Variants in ARHGAP44 observed in about 807,000 individuals in gnomAD.
The protein encoded by ARHGAP44 is rho GTPase-activating protein 44.
Under a neutral mutation model 106.8 loss-of-function variants are expected in ARHGAP44, and 43 were observed. The ratio of observed to expected loss-of-function variants is 0.40; its 90% CI spans 0.32 to 0.52. ARHGAP44 has a LOEUF of 0.52. ARHGAP44 is among the 20% of genes least tolerant of loss of function. ARHGAP44 has a pLI of 0.48. For synonymous variants in ARHGAP44, 439 were observed against 410.3 expected (o/e 1.07, Z -0.85); for missense variants, 866 against 1,050.5 (o/e 0.82, Z 2.43).
chr17:12,855,509 G>GT (rs1348770702), intron 1 of ARHGAP44, among the ~76,000 whole-genome samples: 5 of 123,244 alleles, frequency 4.1e-5, no homozygotes, highest in East Asian at 4.7e-4. Context: ...TTCCCCTGAT[G>GT]TTTTTTTCAG....
At chr17:12,957,919 A>G (rs1004326174) in intron 15 of ARHGAP44, among the ~76,000 whole-genome samples, 2 of 152,240 alleles carry the variant, frequency 1.3e-5, no homozygotes, top group African/African-American at 4.8e-5. Context: ...CTGTTCTAAC[A>G]TTGAAGAAGT....
intron 1 of ARHGAP44, among the ~76,000 whole-genome samples, chr17:12,855,922 C>A (rs189596638): frequency 3.3e-5 from 5 of 152,130 alleles, no homozygotes; most frequent in Non-Finnish European, 7.3e-5. Flanking sequence ...TGCTTGTGGT[C>A]GAGCTCCAGG....
chr17:12,958,929 G>C lies in ARHGAP44; in HGVS notation c.1523+32G>C. On this transcript the variant is annotated intron_variant, in intron 16 of 20. Coordinates refer to ENST00000379672, the MANE Select transcript of ARHGAP44 (RefSeq NM_014859.6). The surrounding 1 kb of genome is among the most constrained non-coding windows in gnomAD (Gnocchi z 4.1). ...ACTGGTGTCTCTTTCTCAGCACTGG[G>C]GATTAGGGGAGGTGGTGGGGGTGGA... 6.3e-7 allele frequency: 1 copy of C among 1,583,148 alleles called. No individual in the cohort carries two copies.
intron 3 of ARHGAP44, among the ~76,000 whole-genome samples, chr17:12,896,865 A>G (rs576319708): frequency 1.3e-5 from 2 of 152,304 alleles, no homozygotes; most frequent in East Asian, 3.9e-4. Flanking sequence ...GCTCATTCAT[A>G]GATTGCATTT....
intron 1 of ARHGAP44, among the ~76,000 whole-genome samples, chr17:12,862,011 G>C (rs1331465022): frequency 1.3e-5 from 2 of 152,088 alleles, no homozygotes; most frequent in African/African-American, 4.8e-5. Flanking sequence ...TTATCTCAGT[G>C]TCTATCTGAA....
chr17:12,847,400 GTGGGAGAGATTC>G (rs752804201), intron 1 of ARHGAP44, among the ~76,000 whole-genome samples: 6 of 152,074 alleles, frequency 3.9e-5, no homozygotes, highest in Non-Finnish European at 8.8e-5. Context: ...GGTTCTTGGG[GTGGGAGAGATTC>G]GGGGAGAGGG....
intron 1 of ARHGAP44, among the ~76,000 whole-genome samples, chr17:12,886,964 G>GTTTTTTTTTTTTTT: frequency 9.2e-6 from 1 of 109,002 alleles, no homozygotes; most frequent in African/African-American, 3.9e-5. Flanking sequence ...TTTTCTAAGA[G>GTTTTTTTTTTTTTT]TTTTTTTTTT....
chr17:12,834,909 A>G (rs928915705), intron 1 of ARHGAP44, among the ~76,000 whole-genome samples: 1 of 152,216 alleles, frequency 6.6e-6, no homozygotes, highest in Non-Finnish European at 1.5e-5. Context: ...CTACCATGTT[A>G]GATTATAAAA....
intron 1 of ARHGAP44, among the ~76,000 whole-genome samples, chr17:12,818,049 A>G (rs1801312435): frequency 1.3e-5 from 2 of 152,022 alleles, no homozygotes; most frequent in African/African-American, 4.8e-5. Flanking sequence ...ATTACAGAAA[A>G]AGAGAATTAT....
Position 12,984,530 on chromosome 17 carries a change from G to T in ARHGAP44, c.1940-1G>T. 2 of 1,514,924 alleles carry T rather than the reference G, an allele frequency of 1.3e-6. No homozygotes were observed. Among genetic ancestry groups the T allele is most frequent in the Non-Finnish European group, 1.8e-6 (2 of 1,136,208 alleles). The allele number at this position is 1,514,924 out of a possible 1,614,324, so 93.8% of individuals were successfully genotyped here. A position where few individuals can be genotyped will look rare whatever the true frequency, so the allele number is the denominator to read the frequency against. ...TTGTTGTGTTGTGTTTTCTCTTTCA[G>T]TTTCAAAGAAGCTGGCACCGATTCC... On this transcript the variant is annotated splice_acceptor_variant, in intron 19 of 20. Transcript: ENST00000379672. LOFTEE classifies it high-confidence loss of function.
At chr17:12,954,328 A>G (rs1458845691) in intron 13 of ARHGAP44, among the ~76,000 whole-genome samples, 1 of 152,216 alleles carries the variant, frequency 6.6e-6, no homozygotes, top group African/African-American at 2.4e-5. Flanking sequence ...AAAAATGGCT[A>G]AAGTAGTAAA....
intron 1 of ARHGAP44, among the ~76,000 whole-genome samples, chr17:12,822,308 G>C (rs1193830334): frequency 6.6e-6 from 1 of 152,018 alleles, no homozygotes; most frequent in Non-Finnish European, 1.5e-5. Context: ...TATTTTTCCA[G>C]TCATTTGGAA....
intron 1 of ARHGAP44, among the ~76,000 whole-genome samples, chr17:12,842,462 A>T (rs913305746): frequency 9.2e-5 from 14 of 151,518 alleles, no homozygotes; most frequent in Non-Finnish European, 1.9e-4. Flanking sequence ...AAAGAAAAAA[A>T]TCATCCCAGG....
Position 12,795,473 on chromosome 17 carries a change from G to A in ARHGAP44, c.53+5582G>A, listed in dbSNP as rs1359944994. On this transcript the variant is annotated intron_variant, in intron 1 of 20. Coordinates refer to ENST00000379672, the MANE Select transcript of ARHGAP44 (RefSeq NM_014859.6). ...CGTGAGGAAGCCATGCTCTTAAATA[G>A]CAATTAATCATTTTCCTTCCCAGTT... Among the ~76,000 whole-genome samples the A allele has an allele frequency of 2.0e-5, 3 of 151,740 alleles. No individual in the cohort carries two copies. In the East Asian group the frequency reaches 5.8e-4, roughly 30 times the overall value.
rs1598147038 is a variant in ARHGAP44, at chr17:12,974,248, C to A, written c.1701C>A (p.Ser567Arg). 7 of 1,519,108 alleles carry A rather than the reference C, an allele frequency of 4.6e-6. No homozygotes were observed. Among genetic ancestry groups the A allele is most frequent in the Non-Finnish European group, 5.3e-6 (6 of 1,135,196 alleles). 94.1% of individuals were successfully genotyped at this position (1,519,108 alleles called of 1,614,324 possible). A position where few individuals can be genotyped will look rare whatever the true frequency, so the allele number is the denominator to read the frequency against. Residue 567 changes from serine to arginine, a missense_variant, in exon 18 of 21, where the codon AGC becomes AGA. Ser to Arg is a moderately radical substitution (Grantham distance 110). Coordinates refer to ENST00000379672, the MANE Select transcript of ARHGAP44 (RefSeq NM_014859.6). ...CGCTGCCGGAGCAGCCCCTGGACAG[C>A]CCCGCGGCCCCCGCGCTCTCTCCAT... ...PSPLPEQPLD[S>R]PAAPALSPSG...
At chr17:12,977,251 C>G (rs1481563199) in intron 18 of ARHGAP44, among the ~76,000 whole-genome samples, 3 of 152,164 alleles carry the variant, frequency 2.0e-5, no homozygotes, top group Admixed American at 6.5e-5. Context: ...TTGTTCTCTC[C>G]CCGCATGGGT....
chr17:12,955,521 T>C (rs759985749), intron 13 of ARHGAP44, among the ~76,000 whole-genome samples: 2 of 152,196 alleles, frequency 1.3e-5, no homozygotes, highest in Non-Finnish European at 2.9e-5. Flanking sequence ...ATACTGCTTA[T>C]CACTCCTGCA....
chr17:12,875,004 G>T (rs2150889001), intron 1 of ARHGAP44, among the ~76,000 whole-genome samples: 1 of 152,162 alleles, frequency 6.6e-6, no homozygotes, highest in East Asian at 1.9e-4. Context: ...AGAAGACATT[G>T]AAGAGATGAG....
At chr17:12,897,730 T>G (rs1378395230) in intron 3 of ARHGAP44, among the ~76,000 whole-genome samples, 4 of 147,756 alleles carry the variant, frequency 2.7e-5, no homozygotes, top group African/African-American at 9.8e-5. Context: ...TTTTTTTTTT[T>G]GCTCTAAGAA....
Sources: allele counts gnomAD v4.1 joint callset (sites outside exome capture counted in the v4.1 genomes callset), GRCh38; gene constraint gnomAD v4.1.1; non-coding constraint Gnocchi (gnomAD v3.1); transcripts MANE v1.5; gene names NCBI Gene and HGNC (gene_info 2026-07-23, HGNC 2026-07-21).